Variants in SCEL observed in about 807,000 individuals in gnomAD.
SCEL encodes sciellin.
SCEL carries 113 observed loss-of-function variants against 117.6 expected under a neutral mutation model. That is an observed-to-expected ratio of 0.96 (90% CI 0.83 to 1.12). The LOEUF is 1.12. Ranked by LOEUF, SCEL falls within the 50% of genes most tolerant of loss-of-function variation. The pLI is 0.00. For synonymous variants in SCEL, 270 were observed against 256.2 expected (o/e 1.05, Z -0.51); for missense variants, 785 against 810.8 (o/e 0.97, Z 0.39).
intron 30 of SCEL, among the ~76,000 whole-genome samples, chr13:77,638,390 C>G (rs893219787): frequency 9.9e-5 from 15 of 152,248 alleles, no homozygotes; most frequent in African/African-American, 3.4e-4. Context: ...AAAAACAGAT[C>G]TAGGTTTTCA....
At chr13:77,607,813 C>T (rs777585982) in intron 19 of SCEL, among the ~76,000 whole-genome samples, 8 of 152,150 alleles carry the variant, frequency 5.3e-5, no homozygotes, top group Admixed American at 2.0e-4. Context: ...TACTTGCTAG[C>T]GGCCAAATGG....
In SCEL at chr13:77,599,918, C is replaced by T. The variant is rs2087536130; in HGVS notation, c.917+170C>T. 9 of 581,812 alleles carry T rather than the reference C, an allele frequency of 1.5e-5. No individual in the cohort carries two copies. In the South Asian group the frequency reaches 2.0e-4, roughly 13 times the overall value. The allele number at this position is 581,812 out of a possible 1,614,324, so 36.0% of individuals were successfully genotyped here. A position where few individuals can be genotyped will look rare whatever the true frequency, so the allele number is the denominator to read the frequency against. ...TGCTGGTTTTGCCACCAACATCAAT[C>T]TGGGTGACCCTGGGCAAGTTGTGTA... On this transcript the variant is annotated intron_variant, in intron 15 of 32. Coordinates refer to ENST00000349847, the MANE Select transcript of SCEL (RefSeq NM_144777.3).
At chr13:77,564,777 C>T (rs562508033) in intron 5 of SCEL, among the ~76,000 whole-genome samples, 1 of 152,294 alleles carries the variant, frequency 6.6e-6, no homozygotes, top group South Asian at 2.1e-4. Context: ...TAAACTCAGA[C>T]TATGCCAGTG....
At chr13:77,548,356 A>G (rs1195315711) in intron 1 of SCEL, among the ~76,000 whole-genome samples, 1 of 152,178 alleles carries the variant, frequency 6.6e-6, no homozygotes, top group African/African-American at 2.4e-5. Flanking sequence ...TTAAGATGTC[A>G]CCTGTTCAGG....
At chr13:77,570,956 C>A (rs577202855) in intron 8 of SCEL, among the ~76,000 whole-genome samples, 1 of 151,510 alleles carries the variant, frequency 6.6e-6, no homozygotes. Context: ...CTCAGCCTCC[C>A]GAGTAGTTGG....
intron 4 of SCEL, among the ~76,000 whole-genome samples, chr13:77,562,271 G>A (rs992978714): frequency 2.0e-5 from 3 of 152,136 alleles, no homozygotes; most frequent in African/African-American, 7.2e-5. Flanking sequence ...CATAGTGATG[G>A]TGTCTGGGGA....
chr13:77,616,021 T>A (rs980703666), intron 24 of SCEL, among the ~76,000 whole-genome samples: 6 of 151,404 alleles, frequency 4.0e-5, no homozygotes, highest in African/African-American at 7.3e-5. Flanking sequence ...TGTGTGTGTG[T>A]GTGTGTGTGT....
intron 30 of SCEL, 35 bp downstream of exon 30, chr13:77,637,229 C>G (rs1219292962): frequency 9.4e-7 from 1 of 1,061,452 alleles, no homozygotes; most frequent in Non-Finnish European, 1.4e-6. Context: ...ATAAAAAGTA[C>G]ACACATACAG....
At chr13:77,596,497 G>A (rs543097570) in intron 12 of SCEL, among the ~76,000 whole-genome samples, 27 of 152,250 alleles carry the variant, frequency 1.8e-4, no homozygotes, top group African/African-American at 5.8e-4. Flanking sequence ...AGGTGGGTAT[G>A]ATTAGTATTC....
chr13:77,642,951 G>A, intron 32 of SCEL, 143 bp downstream of exon 32: 1 of 481,146 alleles, frequency 2.1e-6, no homozygotes, highest in African/African-American at 2.0e-5. Flanking sequence ...TTTATACTAT[G>A]GTAGTATTTT....
intron 14 of SCEL, 85 bp from the exon 15 acceptor site, chr13:77,599,604 A>G: frequency 9.7e-7 from 1 of 1,030,780 alleles, no homozygotes; most frequent in Admixed American, 1.7e-5. Flanking sequence ...TTCATGGAGA[A>G]TGTTTATTGC....
chr13:77,550,199 A>G (rs561637948), intron 1 of SCEL, among the ~76,000 whole-genome samples: 1 of 151,970 alleles, frequency 6.6e-6, no homozygotes, highest in Non-Finnish European at 1.5e-5. Context: ...CAGCCTGGCC[A>G]ACATGGCAAA....
rs373811679 is a variant in SCEL, at chr13:77,637,897, T to C, written c.1838+703T>C. 2.0e-5 allele frequency among the ~76,000 whole-genome samples: 3 copies of C among 152,326 alleles called. No individual in the cohort carries two copies. In the East Asian group the frequency reaches 5.8e-4, roughly 29 times the overall value. ...GGTTTTTGCTGTTAGTGATCCTCTT[T>C]TACCATTCAATGTTCAGTGGAGCAC... On this transcript the variant is annotated intron_variant, in intron 30 of 32. Coordinates refer to ENST00000349847, the MANE Select transcript of SCEL (RefSeq NM_144777.3).
intron 9 of SCEL, among the ~76,000 whole-genome samples, chr13:77,578,652 C>T (rs1356355054): frequency 1.3e-5 from 2 of 152,254 alleles, no homozygotes; most frequent in East Asian, 3.9e-4. Flanking sequence ...AGAAGTAACA[C>T]AATGCTAGGT....
At chr13:77,587,583 C>A (rs2086636220) in intron 9 of SCEL, among the ~76,000 whole-genome samples, 1 of 152,040 alleles carries the variant, frequency 6.6e-6, no homozygotes, top group African/African-American at 2.4e-5. Flanking sequence ...ATCAGGGTGA[C>A]CAAAGACCAC....
chr13:77,616,004 C>CTGTGTG lies in SCEL; in HGVS notation c.1452-1558_1452-1553dup, dbSNP rs1169054133. On this transcript the variant is annotated intron_variant, in intron 24 of 32. Coordinates refer to ENST00000349847, the MANE Select transcript of SCEL (RefSeq NM_144777.3). The stretch of plus-strand genomic sequence containing the variant: ...ATTATTTCATAAAATTTATGTCTCT[C>CTGTGTG]TGTGTGTGTGTGTGTGTGTGTGTGT... Among the ~76,000 whole-genome samples the CTGTGTG allele has an allele frequency of 8.7e-3, 995 of 114,180 alleles. 9 individuals carry two copies. Among genetic ancestry groups the CTGTGTG allele is most frequent in the African/African-American group, 0.038 (935 of 24,912 alleles). The allele number at this position is 114,180 out of a possible 152,430, so 74.9% of individuals were successfully genotyped here.
intron 9 of SCEL, among the ~76,000 whole-genome samples, chr13:77,577,096 A>C (rs1462709538): frequency 1.3e-5 from 2 of 152,092 alleles, no homozygotes; most frequent in African/African-American, 4.8e-5. Context: ...AAACAATTTG[A>C]CTTCCTCTCT....
intron 27 of SCEL, 110 bp from the exon 28 acceptor site, chr13:77,627,837 C>A (rs1296366237): frequency 3.1e-6 from 1 of 325,402 alleles, no homozygotes; most frequent in Non-Finnish European, 5.7e-6. Context: ...GCCTGATAGA[C>A]CACAAATGAC....
At chr13:77,622,791 G>T (rs1455269700) in intron 27 of SCEL, among the ~76,000 whole-genome samples, 4 of 152,182 alleles carry the variant, frequency 2.6e-5, no homozygotes, top group Non-Finnish European at 5.9e-5. Context: ...GAGTCCAGGA[G>T]TTCGAGACTG....
Sources: allele counts gnomAD v4.1 joint callset (sites outside exome capture counted in the v4.1 genomes callset), GRCh38; gene constraint gnomAD v4.1.1; transcripts MANE v1.5; gene names NCBI Gene and HGNC (gene_info 2026-07-23, HGNC 2026-07-21).